OPCML: variants seen among roughly 807,000 people sequenced by gnomAD.
OPCML encodes the protein opioid binding protein/cell adhesion molecule like, also known as opioid-binding protein/cell adhesion molecule.
OPCML carries 13 observed loss-of-function variants against 37.8 expected under a neutral mutation model. The observed-to-expected ratio is 0.34, with a 90% CI of 0.22 to 0.55. The LOEUF (loss-of-function observed/expected upper bound fraction) is 0.55. Ranked by LOEUF, OPCML falls within the 20% of genes least tolerant of loss-of-function variation. OPCML has a pLI of 0.91. For missense variants in OPCML, 341 were observed against 435.6 expected (o/e 0.78, Z 1.93); for synonymous variants, 176 against 168.8 (o/e 1.04, Z -0.33).
intron 3 of OPCML, among the ~76,000 whole-genome samples, chr11:132,565,731 A>G (rs1458980880): frequency 6.6e-6 from 1 of 152,112 alleles, no homozygotes. Flanking sequence ...CTGTTTAGCA[A>G]CTCTAATTTT....
At chr11:133,261,557 C>T (rs149881328) in intron 1 of OPCML, among the ~76,000 whole-genome samples, 78 of 152,266 alleles carry the variant, frequency 5.1e-4, no homozygotes, top group Non-Finnish European at 9.4e-4. Flanking sequence ...TGGTCTGCAT[C>T]CGTCTCTACC....
chr11:133,307,713 T>G (rs1942961758), intron 1 of OPCML, among the ~76,000 whole-genome samples: 4 of 152,168 alleles, frequency 2.6e-5, no homozygotes, highest in Admixed American at 2.6e-4. Flanking sequence ...TGAACTCAGG[T>G]GCGTTTTGAT....
At chr11:132,745,575 AAAAAAAAAG>A (rs1290262196) in intron 2 of OPCML, among the ~76,000 whole-genome samples, 16 of 149,346 alleles carry the variant, frequency 1.1e-4, no homozygotes, top group African/African-American at 2.2e-4. Flanking sequence ...AAAAAAAAAA[AAAAAAAAAG>A]AAAGAAAGAA....
chr11:133,083,436 A>AACCCC (rs1158911893), intron 1 of OPCML, among the ~76,000 whole-genome samples: 5 of 152,090 alleles, frequency 3.3e-5, no homozygotes, highest in African/African-American at 9.7e-5. Flanking sequence ...TGAGGGAGCC[A>AACCCC]ACCCCACCCC....
intron 2 of OPCML, among the ~76,000 whole-genome samples, chr11:132,791,328 ACAG>A (rs1334755885): frequency 1.3e-5 from 2 of 152,212 alleles, no homozygotes; most frequent in African/African-American, 4.8e-5. Flanking sequence ...ATCAGCTCAG[ACAG>A]GCCCTAATGT....
Position 132,620,976 on chromosome 11 carries a change from G to C in OPCML, c.379+36111C>G, listed in dbSNP as rs548236176. Among the ~76,000 whole-genome samples, 64 of 152,356 alleles carry C rather than the reference G, an allele frequency of 4.2e-4. No homozygotes were observed. In the Middle Eastern group the frequency reaches 0.02, roughly 49 times the overall value. On this transcript the variant is annotated intron_variant, in intron 3 of 7. Transcript: ENST00000524381. ...CAAGGTCATGCCAGCTACAATGGCA[G>C]AGGTATCTGAGCAAGCAAACAAAGG...
intron 2 of OPCML, among the ~76,000 whole-genome samples, chr11:132,766,666 A>ATT (rs377592565): frequency 6.6e-6 from 1 of 152,116 alleles, no homozygotes; most frequent in African/African-American, 2.4e-5. Flanking sequence ...GAGGATTAGG[A>ATT]TTTTAGTATG....
chr11:132,801,697 C>T (rs570775608), intron 2 of OPCML, among the ~76,000 whole-genome samples: 13 of 152,134 alleles, frequency 8.5e-5, no homozygotes, highest in Non-Finnish European at 1.9e-4. Flanking sequence ...TTGAGCTTTT[C>T]CATTTTTGTG....
At chr11:133,392,684 T>C (rs569673891) in intron 1 of OPCML, among the ~76,000 whole-genome samples, 1 of 152,352 alleles carries the variant, frequency 6.6e-6, no homozygotes, top group Non-Finnish European at 1.5e-5. Flanking sequence ...CAGGAAAGAC[T>C]GACTCCAAGA....
intron 1 of OPCML, among the ~76,000 whole-genome samples, chr11:133,039,897 TG>T (rs1388034614): frequency 1.3e-5 from 2 of 151,826 alleles, no homozygotes; most frequent in Non-Finnish European, 2.9e-5. Context: ...GGTATGGTGG[TG>T]GGCACCTGTA....
intron 2 of OPCML, among the ~76,000 whole-genome samples, chr11:132,840,037 A>T (rs987938743): frequency 2.0e-5 from 3 of 152,134 alleles, no homozygotes; most frequent in Non-Finnish European, 2.9e-5. Flanking sequence ...CACAGGAAGG[A>T]TATTTACAGT....
chr11:132,685,487 T>A (rs558782130), intron 2 of OPCML, among the ~76,000 whole-genome samples: 71 of 152,314 alleles, frequency 4.7e-4, no homozygotes, highest in African/African-American at 1.6e-3. Context: ...CACCACTTCC[T>A]GTGGGGCAAG....
At chr11:133,077,754 A>G (rs901905504) in intron 1 of OPCML, among the ~76,000 whole-genome samples, 2 of 152,330 alleles carry the variant, frequency 1.3e-5, no homozygotes, top group African/African-American at 4.8e-5. Flanking sequence ...TAAGAAAAAG[A>G]AAAGACTCCT....
chr11:133,449,187 C>A (rs757737762), intron 1 of OPCML, among the ~76,000 whole-genome samples: 36 of 152,348 alleles, frequency 2.4e-4, no homozygotes, highest in Non-Finnish European at 4.9e-4. Context: ...ATGTACCTCT[C>A]TGTAGCACTA....
At chr11:133,496,421 C>T (rs1038843607) in intron 1 of OPCML, among the ~76,000 whole-genome samples, 1 of 151,924 alleles carries the variant, frequency 6.6e-6, no homozygotes, top group Non-Finnish European at 1.5e-5. Flanking sequence ...GAATTGTTTT[C>T]TCTAACTCTG....
At chr11:132,457,296 C>T (rs550719714) in intron 4 of OPCML, among the ~76,000 whole-genome samples, 4 of 152,282 alleles carry the variant, frequency 2.6e-5, no homozygotes, top group African/African-American at 7.2e-5. Flanking sequence ...TGGCTGCTTC[C>T]GATAGGTAAT....
intron 3 of OPCML, among the ~76,000 whole-genome samples, chr11:132,606,019 A>G (rs1337053460): frequency 6.6e-6 from 1 of 152,184 alleles, no homozygotes; most frequent in Non-Finnish European, 1.5e-5. Flanking sequence ...ACCTGTAAGC[A>G]GATATTTTCT....
intron 3 of OPCML, among the ~76,000 whole-genome samples, chr11:132,582,847 T>TTG (rs754338443): frequency 0.16 from 14,389 of 90,032 alleles, 2,278 homozygotes; most frequent in African/African-American, 0.39. Context: ...TTGTTTAAGG[T>TTG]TTTTTTTTTT....
intron 3 of OPCML, among the ~76,000 whole-genome samples, chr11:132,618,527 C>A (rs1401727777): frequency 6.6e-6 from 1 of 152,020 alleles, no homozygotes; most frequent in Non-Finnish European, 1.5e-5. Flanking sequence ...CTTCTCAAAT[C>A]TACCCACTTC....
Sources: gnomAD v4.1 joint callset for allele counts (sites outside exome capture counted in the v4.1 genomes callset) on GRCh38, gnomAD v4.1.1 for gene constraint, MANE v1.5 for transcripts, NCBI Gene and HGNC (gene_info 2026-07-23, HGNC 2026-07-21) for gene names.